ADGRL3: variants seen among roughly 807,000 people sequenced by gnomAD.
The protein encoded by ADGRL3 is calcium-independent alpha-latrotoxin receptor 3.
A neutral mutation model predicts 153.5 loss-of-function variants in ADGRL3; 62 were observed. That is an observed-to-expected ratio of 0.40 (90% CI 0.33 to 0.50). The LOEUF is 0.50. Ranked by LOEUF, ADGRL3 falls within the 20% of genes least tolerant of loss-of-function variation. ADGRL3 has a pLI of 0.47. For missense variants in ADGRL3, 1,641 were observed against 1,859.4 expected (o/e 0.88, Z 2.16); for synonymous variants, 710 against 672.5 (o/e 1.06, Z -0.86).
At chr4:61,923,683 G>A (rs1398171100) in intron 13 of ADGRL3, among the ~76,000 whole-genome samples, 1 of 151,952 alleles carries the variant, frequency 6.6e-6, no homozygotes, top group Non-Finnish European at 1.5e-5. Context: ...CACCCACTTC[G>A]TATGTCAATT....
intron 2 of ADGRL3, among the ~76,000 whole-genome samples, chr4:61,407,805 T>G (rs2097022755): frequency 6.6e-6 from 1 of 152,198 alleles, no homozygotes; most frequent in African/African-American, 2.4e-5. Flanking sequence ...TTCTCAAGTA[T>G]GTATGTACTC....
rs1399058398 is a variant in ADGRL3, at chr4:61,373,151, C to T, written c.-239-9973C>T. On this transcript the variant is annotated intron_variant, in intron 1 of 26. Coordinates refer to ENST00000683033, the MANE Select transcript of ADGRL3 (RefSeq NM_001387552.1). The stretch of plus-strand genomic sequence containing the variant: ...TCTGGCACTCCCTAGTGAGATGAAC[C>T]CGGTACCTCAGATGGAAATGCAGAA... Among the ~76,000 whole-genome samples the T allele has an allele frequency of 3.9e-5, 6 of 152,168 alleles. 1 individual carries two copies.
chr4:61,431,246 T>A (rs892474768), intron 2 of ADGRL3, among the ~76,000 whole-genome samples: 1 of 152,208 alleles, frequency 6.6e-6, no homozygotes, highest in African/African-American at 2.4e-5. Flanking sequence ...CGAAATAGGA[T>A]CTTTAAGGTG....
chr4:61,298,005 A>G (rs1266016294), intron 1 of ADGRL3, among the ~76,000 whole-genome samples: 1 of 152,136 alleles, frequency 6.6e-6, no homozygotes, highest in East Asian at 1.9e-4. Context: ...AATACTTTAA[A>G]TAGCCATTAT....
intron 4 of ADGRL3, among the ~76,000 whole-genome samples, chr4:61,578,381 A>T (rs1392378025): frequency 3.3e-5 from 5 of 152,056 alleles, no homozygotes; most frequent in Admixed American, 3.3e-4. Flanking sequence ...AATTTTAGCG[A>T]TTACCATTGT....
chr4:61,778,925 G>A (rs1280907885), intron 8 of ADGRL3, among the ~76,000 whole-genome samples: 3 of 152,078 alleles, frequency 2.0e-5, no homozygotes, highest in Admixed American at 6.6e-5. Flanking sequence ...GGGCACGGTG[G>A]TGGGCATCTG....
At chr4:61,602,946 G>A (rs2099017613) in intron 5 of ADGRL3, among the ~76,000 whole-genome samples, 1 of 152,142 alleles carries the variant, frequency 6.6e-6, no homozygotes, top group African/African-American at 2.4e-5. Context: ...ATATTAATCA[G>A]AAATGTAGCA....
chr4:61,844,578 A>ATATC (rs1310709461), intron 9 of ADGRL3, among the ~76,000 whole-genome samples: 2 of 93,506 alleles, frequency 2.1e-5, no homozygotes, highest in Non-Finnish European at 4.3e-5. Flanking sequence ...AAAAAAAAAT[A>ATATC]TATATATATA....
At chr4:61,295,414 A>G (rs947990043) in intron 1 of ADGRL3, among the ~76,000 whole-genome samples, 20 of 152,148 alleles carry the variant, frequency 1.3e-4, no homozygotes, top group African/African-American at 4.6e-4. Flanking sequence ...ATAGGATTCA[A>G]TTCTACCTGC....
intron 1 of ADGRL3, among the ~76,000 whole-genome samples, chr4:61,316,045 A>T (rs2095200409): frequency 1.3e-5 from 2 of 152,208 alleles, no homozygotes. Context: ...TGGGGGAGAC[A>T]GATTATGAAA....
chr4:61,421,229 G>A (rs533343601), intron 2 of ADGRL3, among the ~76,000 whole-genome samples: 1 of 152,136 alleles, frequency 6.6e-6, no homozygotes, highest in Non-Finnish European at 1.5e-5. Context: ...AGCTACTTGG[G>A]AGGCTGAGGC....
intron 19 of ADGRL3, among the ~76,000 whole-genome samples, chr4:61,991,698 T>C (rs1373423974): frequency 3.3e-5 from 5 of 151,836 alleles, no homozygotes; most frequent in African/African-American, 1.2e-4. Context: ...ATTAGATGTA[T>C]GAATGTGCTG....
At chr4:61,281,602 G>A (rs1044790181) in intron 1 of ADGRL3, among the ~76,000 whole-genome samples, 1 of 152,072 alleles carries the variant, frequency 6.6e-6, no homozygotes, top group Non-Finnish European at 1.5e-5. Context: ...TCAGATTAAG[G>A]TACTCCTTCC....
intron 8 of ADGRL3, among the ~76,000 whole-genome samples, chr4:61,790,560 A>C (rs1049207468): frequency 6.6e-6 from 1 of 152,236 alleles, no homozygotes; most frequent in Non-Finnish European, 1.5e-5. Context: ...AGTTATATTA[A>C]TGTGGTCTCT....
rs146682646 is a variant in ADGRL3, at chr4:61,916,500, A to G, written c.2112+3743A>G. 6.2e-4 allele frequency among the ~76,000 whole-genome samples: 93 copies of G among 149,636 alleles called. 1 individual carries two copies. Among genetic ancestry groups the G allele is most frequent in the African/African-American group, 2.3e-3 (89 of 39,170 alleles). Reference sequence around the variant, plus strand: ...AAAAAAATAGAGAGTTTTAAGTTTTATACTAGAGAAAACAAGTAAGGCTTG... The same window carrying G: ...AAAAAAATAGAGAGTTTTAAGTTTTGTACTAGAGAAAACAAGTAAGGCTTG... On this transcript the variant is annotated intron_variant, in intron 13 of 26. Coordinates refer to ENST00000683033, the MANE Select transcript of ADGRL3 (RefSeq NM_001387552.1).
At chr4:61,206,869 C>T (rs1189960808) in intron 1 of ADGRL3, among the ~76,000 whole-genome samples, 1 of 151,926 alleles carries the variant, frequency 6.6e-6, no homozygotes, top group African/African-American at 2.4e-5. Context: ...GTAGTCCCAG[C>T]TATTCGGGAG....
At chr4:61,674,146 TTAGATAGATAGA>T (rs34037060) in intron 5 of ADGRL3, among the ~76,000 whole-genome samples, 17,212 of 147,364 alleles carry the variant, frequency 0.12, 1,250 homozygotes, top group Middle Eastern at 0.23. Context: ...CGATGCATTT[TTAGATAGATAGA>T]TAGATAGATA....
intron 2 of ADGRL3, among the ~76,000 whole-genome samples, chr4:61,485,594 G>A (rs1165461821): frequency 6.6e-6 from 1 of 152,138 alleles, no homozygotes; most frequent in Non-Finnish European, 1.5e-5. Flanking sequence ...CCTAGCTCAT[G>A]ATGAGATATA....
chr4:61,436,688 A>G (rs939630691), intron 2 of ADGRL3, among the ~76,000 whole-genome samples: 6 of 152,136 alleles, frequency 3.9e-5, no homozygotes, highest in Non-Finnish European at 8.8e-5. Context: ...GGTGTGAAAC[A>G]TCATGGTGGT....
Sources: gnomAD v4.1 joint callset for allele counts (sites outside exome capture counted in the v4.1 genomes callset) on GRCh38, gnomAD v4.1.1 for gene constraint, MANE v1.5 for transcripts, NCBI Gene and HGNC (gene_info 2026-07-23, HGNC 2026-07-21) for gene names.